The following ATAD3A variants were observed in gnomAD, a reference collection of about 807,000 sequenced individuals.
ATAD3A encodes the protein ATPase family AAA domain-containing protein 3A.
In ATAD3A, 46 loss-of-function variants were observed where a neutral mutation model predicts 73.8. The ratio of observed to expected loss-of-function variants is 0.62; its 90% CI spans 0.49 to 0.80. ATAD3A has a LOEUF of 0.80. Among genes scored for constraint, ATAD3A ranks in the 30% least tolerant of loss-of-function variants. ATAD3A has a pLI of 0.00. For synonymous variants in ATAD3A, 319 were observed against 350.0 expected, an observed-to-expected ratio of 0.91 and a Z score of 0.99; for missense variants, 705 against 838.0, an observed-to-expected ratio of 0.84 and a Z score of 1.96.
At chr1:1,514,160 G>A (rs1641283438) in intron 1 of ATAD3A, among the ~76,000 whole-genome samples, 1 of 152,142 alleles carries the variant, frequency 6.6e-6, no homozygotes, top group Non-Finnish European at 1.5e-5. Flanking sequence ...AGGCCACACG[G>A]GCACCTGACC....
At chr1:1,521,529 G>A (rs1375506039) in intron 7 of ATAD3A, among the ~76,000 whole-genome samples, 4 of 152,084 alleles carry the variant, frequency 2.6e-5, no homozygotes, top group African/African-American at 7.2e-5. Flanking sequence ...GTAGGTGCCC[G>A]GCACTGAGTG....
At chr1:1,531,813 G>A (rs530570300) in intron 15 of ATAD3A, among the ~76,000 whole-genome samples, 3 of 151,704 alleles carry the variant, frequency 2.0e-5, no homozygotes, top group South Asian at 2.1e-4. Context: ...TAATAATTTG[G>A]GCTGGGCACG....
At chr1:1,516,562 G>A (rs545879547) in intron 2 of ATAD3A, among the ~76,000 whole-genome samples, 5 of 152,082 alleles carry the variant, frequency 3.3e-5, no homozygotes, top group Admixed American at 6.5e-5. Flanking sequence ...ACAGGCACCC[G>A]CCACCACACC....
At chr1:1,521,085 A>T (rs1641576917) in intron 7 of ATAD3A, among the ~76,000 whole-genome samples, 1 of 152,012 alleles carries the variant, frequency 6.6e-6, no homozygotes, top group African/African-American at 2.4e-5. Flanking sequence ...GGATCACGAT[A>T]TCGGGATCGA....
Position 1,517,397 on chromosome 1 carries a change from C to T in ATAD3A, c.369C>T (p.Thr123=). Residue 123 remains threonine (T), a synonymous_variant, in exon 3 of 16, where the codon ACC becomes ACT. Transcript: ENST00000378756. ...GGAGGAAGACCCTGAGCGAGGAGACCCGGCAGCACCAGGCCGTAAGAGCGC... is the reference window on the plus strand; with the variant it reads ...GGAGGAAGACCCTGAGCGAGGAGACTCGGCAGCACCAGGCCGTAAGAGCGC... ...EERRKTLSEE[T]RQHQARAQYQ... The T allele has an allele frequency of 2.0e-6, 3 of 1,524,264 alleles. No homozygotes were observed. The highest frequency in any genetic ancestry group is 2.6e-6 in the Non-Finnish European group (3 of 1,137,472). The allele number at this position is 1,524,264 out of a possible 1,614,324, so 94.4% of individuals were successfully genotyped here. A position where few individuals can be genotyped will look rare whatever the true frequency, so the allele number is the denominator to read the frequency against.
chr1:1,524,228 G>C (rs780910706), intron 10 of ATAD3A, 45 bp from the exon 11 acceptor site: 11 of 1,613,490 alleles, frequency 6.8e-6, no homozygotes. Context: ...CTTTGCAGAG[G>C]CGGAGGGAAC....
chr1:1,513,264 G>A (rs917534107), intron 1 of ATAD3A, among the ~76,000 whole-genome samples: 1 of 151,908 alleles, frequency 6.6e-6, no homozygotes, highest in Admixed American at 6.6e-5. Context: ...CTTATTTGGA[G>A]GGTTCCTTTG....
At position 1,526,663 on chromosome 1, in the gene ATAD3A, C is replaced by T. The variant is rs1751465; in HGVS notation, c.1337+132C>T. ...TGCCGTGGCCTCAACATGCCCACCTCGGATGTCCCCTGGGAACGGCCCAGC... is the reference window on the plus strand; with the variant it reads ...TGCCGTGGCCTCAACATGCCCACCTTGGATGTCCCCTGGGAACGGCCCAGC... On this transcript the variant is annotated intron_variant, in intron 13 of 15. Coordinates refer to ENST00000378756, the MANE Select transcript of ATAD3A (RefSeq NM_001170535.3). 223 of 1,534,170 alleles carry T rather than the reference C, an allele frequency of 1.5e-4. 1 individual carries two copies. The highest frequency in any genetic ancestry group is 1.4e-3 in the Middle Eastern group (6 of 4,204).
Position 1,525,262 on chromosome 1 carries a change from G to T in ATAD3A, c.1237G>T (p.Ala413Ser). 6.2e-7 allele frequency: 1 copy of T among 1,613,980 alleles called. No individual in the cohort carries two copies. The highest frequency in any genetic ancestry group is 2.2e-5 in the East Asian group (1 of 44,864). Residue 413 changes from alanine to serine, a missense_variant, in exon 12 of 16, where the codon GCG becomes TCG. By Grantham distance (99) the Ala-to-Ser change is moderately conservative (BLOSUM62 1). Transcript: ENST00000378756. ...RRGLLLFVDEADAFLRKRATE... is the reference protein window; with the variant it reads ...RRGLLLFVDESDAFLRKRATE... ...CAGCCTCCTGCTCTTTGTGGATGAA[G>T]CGGACGCCTTCCTTCGGAAGCGAGC...
chr1:1,526,402 C>T (rs1363541732), intron 12 of ATAD3A, 59 bp from the exon 13 acceptor site: 1 of 1,556,236 alleles, frequency 6.4e-7, no homozygotes, highest in African/African-American at 1.4e-5. Context: ...GGACTTTCTG[C>T]TGTGGCTGTT....
intron 4 of ATAD3A, among the ~76,000 whole-genome samples, chr1:1,518,621 A>ACTCCCCC (rs1553125091): frequency 5.3e-4 from 20 of 38,092 alleles, no homozygotes; most frequent in East Asian, 3.7e-3. Context: ...GGGCGTACAC[A>ACTCCCCC]CCCCCCCCCA....
chr1:1,525,413 C>A, intron 12 of ATAD3A, 122 bp downstream of exon 12: 1 of 745,682 alleles, frequency 1.3e-6, no homozygotes, highest in Non-Finnish European at 2.0e-6. Flanking sequence ...TGAAAAACAG[C>A]TTTTTTTTTT....
In ATAD3A at chr1:1,520,055, T is replaced by A; in HGVS notation, c.515-86T>A. 4.6e-6 allele frequency: 7 copies of A among 1,530,768 alleles called. No individual in the cohort carries two copies. The highest frequency in any genetic ancestry group is 6.2e-6 in the Non-Finnish European group (7 of 1,136,812). The allele number at this position is 1,530,768 out of a possible 1,614,324, so 94.8% of individuals were successfully genotyped here. A position where few individuals can be genotyped will look rare whatever the true frequency, so the allele number is the denominator to read the frequency against. Reference sequence around the variant, plus strand: ...TTGGTCTGTCCGTGGCGTGGGCCGGTCCGTGGCGTGGGCCGGTCCACAGTG... The same window carrying A: ...TTGGTCTGTCCGTGGCGTGGGCCGGACCGTGGCGTGGGCCGGTCCACAGTG... On this transcript the variant is annotated intron_variant, in intron 5 of 15. Transcript: ENST00000378756. The surrounding 1 kb of genome is among the most constrained non-coding windows in gnomAD (Gnocchi z 4.0).
rs528419541 is a variant in ATAD3A, at chr1:1,523,360, G to A, written c.907-151G>A. ...TCCCAGCAATAGCCGCCTGGTCTCC[G>A]GGCGGGGCAGGGTTCCAGCTCCGGG... On this transcript the variant is annotated intron_variant, in intron 8 of 15. Coordinates refer to ENST00000378756, the MANE Select transcript of ATAD3A (RefSeq NM_001170535.3). This position sits in a 1 kb window ranked among gnomAD's most constrained non-coding sequence, Gnocchi z 5.1. The A allele has an allele frequency of 6.3e-5, 83 of 1,314,700 alleles. No individual in the cohort carries two copies. The African/African-American group carries it at 8.9e-4, about 14-fold the overall frequency. 81.4% of individuals were successfully genotyped at this position (1,314,700 alleles called of 1,614,324 possible). A position where few individuals can be genotyped will look rare whatever the true frequency, so the allele number is the denominator to read the frequency against.
At chr1:1,525,207 T>C in intron 11 of ATAD3A, 33 bp from the exon 12 acceptor site, 2 of 1,613,076 alleles carry the variant, frequency 1.2e-6, no homozygotes, top group African/African-American at 2.7e-5. Context: ...CTGGTGTCAC[T>C]CTCGCCCTGC....
chr1:1,530,127 G>A (rs1305132703), intron 15 of ATAD3A, among the ~76,000 whole-genome samples: 3 of 152,188 alleles, frequency 2.0e-5, no homozygotes, highest in Non-Finnish European at 4.4e-5. Context: ...GTCAGTACAG[G>A]CTGGGTTATG....
intron 1 of ATAD3A, among the ~76,000 whole-genome samples, chr1:1,515,003 A>G (rs1363587056): frequency 6.6e-6 from 1 of 152,146 alleles, no homozygotes; most frequent in African/African-American, 2.4e-5. Flanking sequence ...CCTCCCAAGT[A>G]GCTGAGATCA....
chr1:1,525,746 C>T (rs547025267), intron 12 of ATAD3A, among the ~76,000 whole-genome samples: 2 of 152,278 alleles, frequency 1.3e-5, no homozygotes, highest in East Asian at 3.9e-4. Flanking sequence ...GGGTCTCTGT[C>T]GCCCAGGCTG....
chr1:1,520,224 G>A lies in ATAD3A; in HGVS notation c.598G>A (p.Glu200Lys), dbSNP rs566166002. ...CGAGGCCCGGGCGCGCGCCAAGGCC[G>A]AGCGGGAGAATGCAGACATCATCCG... ...EAEARARAKA[E>K]RENADIIREQ... Residue 200 changes from glutamate (E) to lysine (K), a missense_variant, in exon 6 of 16, where the codon GAG (glutamate) becomes AAG (lysine). Coordinates refer to ENST00000378756, the MANE Select transcript of ATAD3A (RefSeq NM_001170535.3). This position sits in a 1 kb window ranked among gnomAD's most constrained non-coding sequence, Gnocchi z 4.0. The A allele has an allele frequency of 1.4e-5, 22 of 1,612,372 alleles. No individual in the cohort carries two copies. The East Asian group carries it at 2.2e-4, about 16-fold the overall frequency.
Sources: allele counts gnomAD v4.1 joint callset (sites outside exome capture counted in the v4.1 genomes callset), GRCh38; gene constraint gnomAD v4.1.1; non-coding constraint Gnocchi (gnomAD v3.1); transcripts MANE v1.5; gene names NCBI Gene and HGNC (gene_info 2026-07-23, HGNC 2026-07-21).